The following TMTC2 variants were observed in gnomAD, a reference collection of about 807,000 sequenced individuals.
The protein encoded by TMTC2 is transmembrane O-mannosyltransferase targeting cadherins 2.
In TMTC2, 43 loss-of-function variants were observed where a neutral mutation model predicts 82.4. The ratio of observed to expected loss-of-function variants is 0.52; its 90% confidence interval spans 0.41 to 0.67. The LOEUF (loss-of-function observed/expected upper bound fraction) is 0.67. Ranked by LOEUF, TMTC2 falls within the 30% of genes least tolerant of loss-of-function variation. The pLI is 0.00. For missense variants in TMTC2, 919 were observed against 1,012.4 expected (o/e 0.91, Z 1.25); for synonymous variants, 408 against 381.9 (o/e 1.07, Z -0.80).
At chr12:82,937,701 GGTGT>G (rs146657948) in intron 4 of TMTC2, among the ~76,000 whole-genome samples, 825 of 73,256 alleles carry the variant, frequency 0.011, 16 homozygotes, top group Non-Finnish European at 0.016. Context: ...AAATGTCAAT[GGTGT>G]GTGTGTGTGT....
intron 1 of TMTC2, among the ~76,000 whole-genome samples, chr12:82,836,498 A>G (rs1371856702): frequency 6.6e-6 from 1 of 152,116 alleles, no homozygotes; most frequent in Non-Finnish European, 1.5e-5. Flanking sequence ...AGATGGAAAA[A>G]TGGGCCCTGA....
intron 1 of TMTC2, among the ~76,000 whole-genome samples, chr12:82,727,755 C>T (rs1874536584): frequency 2.0e-5 from 3 of 151,330 alleles, no homozygotes; most frequent in Admixed American, 2.0e-4. Context: ...CCAACTTTCA[C>T]CTGGAAACCT....
rs745908948 is a variant in TMTC2 at position 82,687,548 on chromosome 12, T to C, written c.-39T>C. The C allele has an allele frequency of 5.7e-6, 9 of 1,575,212 alleles. No individual in the cohort carries two copies. Among genetic ancestry groups the C allele is most frequent in the Non-Finnish European group, 7.8e-6 (9 of 1,160,490 alleles). On this transcript the variant is annotated 5_prime_UTR_variant, in exon 1 of 12. Transcript: ENST00000321196. The stretch of plus-strand genomic sequence containing the variant: ...CTGTTTTTTGTTGCCGCTGCTGCCC[T>C]CGCGCTGGGAGCCGAGCCGGAGGGA...
intron 8 of TMTC2, among the ~76,000 whole-genome samples, chr12:83,024,765 T>C (rs537487816): frequency 6.6e-5 from 10 of 152,344 alleles, no homozygotes; most frequent in African/African-American, 2.4e-4. Context: ...ATTTTTATCA[T>C]TTTAGAAACC....
At chr12:83,114,914 C>CAT (rs1301120076) in intron 11 of TMTC2, among the ~76,000 whole-genome samples, 4 of 151,632 alleles carry the variant, frequency 2.6e-5, no homozygotes, top group African/African-American at 9.7e-5. Context: ...AATATGTACA[C>CAT]ATATATATAT....
rs114386034 is a variant in TMTC2 at position 83,120,171 on chromosome 12, G to A, written c.2332-12039G>A. On this transcript the variant is annotated intron_variant, in intron 11 of 11. Coordinates refer to ENST00000321196, the MANE Select transcript of TMTC2 (RefSeq NM_152588.3). ...GACATGAGGTACCATTTCATTCATC[G>A]TGCTATTTGTTGCCTGCGTACTTTG... Among the ~76,000 whole-genome samples the A allele has an allele frequency of 6.9e-3, 1,056 of 152,202 alleles. 15 individuals are homozygous for A. The highest frequency in any genetic ancestry group is 0.024 in the African/African-American group (999 of 41,536).
At chr12:83,080,867 C>G (rs1883440951) in intron 11 of TMTC2, among the ~76,000 whole-genome samples, 1 of 152,050 alleles carries the variant, frequency 6.6e-6, no homozygotes, top group Non-Finnish European at 1.5e-5. Context: ...ATAACCCATC[C>G]CCCACCACAT....
At chr12:82,755,274 C>T (rs1441184055) in intron 1 of TMTC2, among the ~76,000 whole-genome samples, 1 of 152,138 alleles carries the variant, frequency 6.6e-6, no homozygotes, top group Non-Finnish European at 1.5e-5. Context: ...TGGTGTCTAT[C>T]TGTTGCTAGT....
intron 2 of TMTC2, among the ~76,000 whole-genome samples, chr12:82,873,026 G>T (rs1872282195): frequency 6.6e-6 from 1 of 152,052 alleles, no homozygotes; most frequent in Non-Finnish European, 1.5e-5. Context: ...TGTCAGTTCA[G>T]GTCAGGCTTT....
At chr12:82,866,144 C>G (rs1230481973) in intron 2 of TMTC2, among the ~76,000 whole-genome samples, 3 of 130,490 alleles carry the variant, frequency 2.3e-5, no homozygotes, top group Non-Finnish European at 4.7e-5. Context: ...TAGCAGAAGG[C>G]AAGAAATAAC....
At chr12:83,095,029 C>T (rs980420296) in intron 11 of TMTC2, among the ~76,000 whole-genome samples, 33 of 152,134 alleles carry the variant, frequency 2.2e-4, no homozygotes, top group Non-Finnish European at 4.1e-4. Flanking sequence ...CTAGGAAATT[C>T]TGTGATCTAC....
chr12:82,768,274 T>A (rs377378153), intron 1 of TMTC2, among the ~76,000 whole-genome samples: 23 of 152,212 alleles, frequency 1.5e-4, no homozygotes, highest in African/African-American at 4.1e-4. Context: ...CCAGACCTAA[T>A]GTGGAGTGCC....
intron 8 of TMTC2, among the ~76,000 whole-genome samples, chr12:83,014,569 G>T (rs1452846396): frequency 6.6e-6 from 1 of 152,110 alleles, no homozygotes; most frequent in Non-Finnish European, 1.5e-5. Context: ...AAACTCCTGG[G>T]TTCAAGTGAT....
chr12:82,777,905 C>A (rs1877681780), intron 1 of TMTC2, among the ~76,000 whole-genome samples: 1 of 152,102 alleles, frequency 6.6e-6, no homozygotes, highest in African/African-American at 2.4e-5. Context: ...CCAGATGCTT[C>A]CCTTTCTTCC....
chr12:82,836,252 C>T (rs535021757), intron 1 of TMTC2, among the ~76,000 whole-genome samples: 28 of 152,268 alleles, frequency 1.8e-4, no homozygotes, highest in Admixed American at 9.2e-4. Context: ...CAAAGATATC[C>T]ACATCCTTAT....
chr12:82,832,343 G>GT (rs202150424), intron 1 of TMTC2, among the ~76,000 whole-genome samples: 10,739 of 143,718 alleles, frequency 0.075, 802 homozygotes, highest in African/African-American at 0.2. Context: ...TTATGTACAA[G>GT]TTTTTTTTTT....
intron 1 of TMTC2, among the ~76,000 whole-genome samples, chr12:82,812,739 T>C (rs1350277429): frequency 6.6e-6 from 1 of 151,978 alleles, no homozygotes; most frequent in African/African-American, 2.4e-5. Flanking sequence ...TTCCATTTTC[T>C]TTTGCTCTTA....
At chr12:82,990,703 A>G (rs1879362059) in intron 8 of TMTC2, among the ~76,000 whole-genome samples, 1 of 151,804 alleles carries the variant, frequency 6.6e-6, no homozygotes, top group Non-Finnish European at 1.5e-5. Context: ...TTATTTCTTC[A>G]GTACCTGCCA....
intron 8 of TMTC2, among the ~76,000 whole-genome samples, chr12:83,012,128 C>A (rs1592693363): frequency 6.6e-6 from 1 of 152,148 alleles, no homozygotes; most frequent in East Asian, 1.9e-4. Context: ...ATTATCATGT[C>A]TATCTTACTC....
Sources: allele counts gnomAD v4.1 joint callset (sites outside exome capture counted in the v4.1 genomes callset), GRCh38; gene constraint gnomAD v4.1.1; transcripts MANE v1.5; gene names NCBI Gene and HGNC (gene_info 2026-07-23, HGNC 2026-07-21).